The following EFCAB14 variants were observed in gnomAD, a reference collection of about 807,000 sequenced individuals.
The protein encoded by EFCAB14 is EF-hand calcium-binding domain-containing protein 14.
Under a neutral mutation model 56.5 loss-of-function variants are expected in EFCAB14, and 43 were observed. The ratio of observed to expected loss-of-function variants is 0.76; its 90% confidence interval spans 0.60 to 0.98. The LOEUF is 0.98. Among genes scored for constraint, EFCAB14 ranks in the 50% least tolerant of loss-of-function variants. EFCAB14 has a pLI of 0.00. For synonymous variants in EFCAB14, 235 were observed against 212.9 expected (o/e 1.10, Z -0.90); for missense variants, 538 against 580.3 (o/e 0.93, Z 0.75).
chr1:46,689,178 A>G (rs1437164717), intron 6 of EFCAB14, among the ~76,000 whole-genome samples: 1 of 152,152 alleles, frequency 6.6e-6, no homozygotes, highest in African/African-American at 2.4e-5. Flanking sequence ...AGACTTTAGA[A>G]AATCCTGATT....
At position 46,684,513 on chromosome 1, in the gene EFCAB14, C is replaced by T. The variant is rs200025396; in HGVS notation, c.1164G>A (p.Arg388=). ...CACCTTCATCGGCGGTCTCTGGAGG[C>T]CTGTTGCTCTCAGGTTTGTTTGTAA... ...SALTNKPESN[R]PPETADEEQV... is the part of the protein sequence containing the mutation. The change falls in exon 9 of 11, where the codon AGG becomes AGA. Residue 388 remains arginine (R), a synonymous_variant. Transcript: ENST00000371933. 2 of 1,614,002 alleles carry T rather than the reference C, an allele frequency of 1.2e-6. No individual in the cohort carries two copies. The highest frequency in any genetic ancestry group is 1.1e-5 in the South Asian group (1 of 91,066).
At chr1:46,686,660 C>A (rs1676886751) in intron 8 of EFCAB14, 124 bp downstream of exon 8, 1 of 940,160 alleles carries the variant, frequency 1.1e-6, no homozygotes, top group South Asian at 1.5e-5. Context: ...TTACTAATTG[C>A]TTTGTTTTGA....
intron 2 of EFCAB14, among the ~76,000 whole-genome samples, chr1:46,708,939 T>C (rs1677270429): frequency 7.4e-6 from 1 of 134,392 alleles, no homozygotes; most frequent in Non-Finnish European, 1.5e-5. Context: ...GAATAAAACC[T>C]ACATCCTTTT....
At chr1:46,702,772 T>C (rs1227085267) in intron 3 of EFCAB14, among the ~76,000 whole-genome samples, 1 of 152,182 alleles carries the variant, frequency 6.6e-6, no homozygotes, top group Non-Finnish European at 1.5e-5. Flanking sequence ...TAGAAGTATA[T>C]GCAAATAAGC....
chr1:46,704,499 G>T (rs557006899), intron 3 of EFCAB14, among the ~76,000 whole-genome samples: 54 of 114,896 alleles, frequency 4.7e-4, no homozygotes, highest in African/African-American at 1.4e-3. Context: ...AAAAAAAAAA[G>T]GTCAGAGAGC....
chr1:46,696,176 A>G, intron 4 of EFCAB14, among the ~76,000 whole-genome samples: 1 of 151,594 alleles, frequency 6.6e-6, no homozygotes, highest in East Asian at 1.9e-4. Context: ...ATCATGTACA[A>G]TTGGTCTGCT....
rs528559685 is a variant in EFCAB14 at position 46,689,488 on chromosome 1, G to A, written c.795+99C>T. ...GCTCCCAGGCAGGCAAATAAATACA[G>A]GATGCACCTGCTGAGACACCAAACA... is the stretch of plus-strand genomic sequence containing the variant. On this transcript the variant is annotated intron_variant, in intron 6 of 10. Coordinates refer to ENST00000371933, the MANE Select transcript of EFCAB14 (RefSeq NM_014774.3). 24 of 1,105,080 alleles carry A rather than the reference G, an allele frequency of 2.2e-5. No homozygotes were observed. In the Admixed American group the frequency reaches 3.6e-4, roughly 16 times the overall value. The allele number at this position is 1,105,080 out of a possible 1,614,324, so 68.5% of individuals were successfully genotyped here.
At chr1:46,689,553 G>C in intron 6 of EFCAB14, 34 bp downstream of exon 6, 2 of 1,601,372 alleles carry the variant, frequency 1.2e-6, no homozygotes, top group Non-Finnish European at 1.7e-6. Context: ...AGTGCACTGT[G>C]GTCACAGGGA....
At chr1:46,706,614 C>T (rs1291381057) in intron 3 of EFCAB14, among the ~76,000 whole-genome samples, 4 of 152,160 alleles carry the variant, frequency 2.6e-5, no homozygotes, top group African/African-American at 4.8e-5. Flanking sequence ...TTCAGTGCTT[C>T]AATGTGGTCT....
chr1:46,703,183 C>A lies in EFCAB14; in HGVS notation c.480+4723G>T, dbSNP rs1273653902. 2.6e-5 allele frequency among the ~76,000 whole-genome samples: 4 copies of A among 151,926 alleles called. No individual in the cohort carries two copies. The East Asian group carries it at 5.8e-4, about 22-fold the overall frequency. On this transcript the variant is annotated intron_variant, in intron 3 of 10. Transcript: ENST00000371933. ...GGAGTGCAATGGCACGATCTCAGCT[C>A]ACTGCAACCTCTGCCTCCCGGGTTC...
intron 1 of EFCAB14, among the ~76,000 whole-genome samples, chr1:46,717,175 C>T (rs1677409845): frequency 6.6e-6 from 1 of 152,236 alleles, no homozygotes; most frequent in South Asian, 2.1e-4. Flanking sequence ...CAAAACAAGA[C>T]ATTTTAAACC....
intron 4 of EFCAB14, among the ~76,000 whole-genome samples, chr1:46,696,183 T>A (rs1403022441): frequency 2.0e-5 from 3 of 152,044 alleles, no homozygotes; most frequent in Non-Finnish European, 2.9e-5. Context: ...ACAATTGGTC[T>A]GCTTTGATGA....
At chr1:46,712,873 T>C (rs1389379573) in intron 2 of EFCAB14, among the ~76,000 whole-genome samples, 2 of 151,520 alleles carry the variant, frequency 1.3e-5, no homozygotes, top group African/African-American at 2.4e-5. Flanking sequence ...ATTAGCTGCA[T>C]GTGGTGGCAT....
rs546171948 is a variant in EFCAB14, at chr1:46,676,114, T to G, written c.*2347A>C. The G allele has an allele frequency of 6.3e-4, 96 of 152,338 alleles. No individual in the cohort carries two copies. The highest frequency in any genetic ancestry group is 2.2e-3 in the Admixed American group (34 of 15,308). 9.4% of individuals were successfully genotyped at this position (152,338 alleles called of 1,614,324 possible). ...CTAAATAATAGGCTTATGGGATGCT[T>G]AAGCCAGTGAGTCTGCTCAACTCAG... On this transcript the variant is annotated 3_prime_UTR_variant, in exon 11 of 11. Coordinates refer to ENST00000371933, the MANE Select transcript of EFCAB14 (RefSeq NM_014774.3).
At chr1:46,716,490 G>T in intron 1 of EFCAB14, 47 bp from the exon 2 acceptor site, 1 of 1,600,098 alleles carries the variant, frequency 6.2e-7, no homozygotes, top group South Asian at 1.1e-5. Context: ...GTGATTATGG[G>T]TATAGCTTTA....
At chr1:46,679,599 GTT>G (rs60875639) in intron 10 of EFCAB14, among the ~76,000 whole-genome samples, 1 of 36,522 alleles carries the variant, frequency 2.7e-5, no homozygotes, top group African/African-American at 1.1e-4. Flanking sequence ...CACCACGCCT[GTT>G]TTTTTTTTTT....
rs1056477505 is a variant in EFCAB14, at chr1:46,678,248, G to T, written c.*213C>A. ...TTTAAAATGTAAGATCTTACTGGTTGTAGGAAATCATAGATTTCTGAACAT... is the reference window on the plus strand; with the variant it reads ...TTTAAAATGTAAGATCTTACTGGTTTTAGGAAATCATAGATTTCTGAACAT... On this transcript the variant is annotated 3_prime_UTR_variant, in exon 11 of 11. Transcript: ENST00000371933. 4.7e-6 allele frequency: 2 copies of T among 430,062 alleles called. No individual in the cohort carries two copies. The highest frequency in any genetic ancestry group is 8.1e-6 in the Non-Finnish European group (2 of 247,268). 26.6% of individuals were successfully genotyped at this position (430,062 alleles called of 1,614,324 possible).
intron 1 of EFCAB14, among the ~76,000 whole-genome samples, 183 bp downstream of exon 1, chr1:46,717,720 C>CT (rs1038034480): frequency 4.6e-5 from 7 of 152,206 alleles, no homozygotes; most frequent in Non-Finnish European, 7.3e-5. Context: ...AGACAGATCT[C>CT]TAACTTATTC....
intron 3 of EFCAB14, among the ~76,000 whole-genome samples, chr1:46,705,405 G>A (rs1419481008): frequency 1.3e-5 from 2 of 152,204 alleles, no homozygotes; most frequent in East Asian, 3.8e-4. Flanking sequence ...GCAGGTTCTT[G>A]AATAATATTT....
Sources: allele counts gnomAD v4.1 joint callset (sites outside exome capture counted in the v4.1 genomes callset), GRCh38; gene constraint gnomAD v4.1.1; transcripts MANE v1.5; gene names NCBI Gene and HGNC (gene_info 2026-07-23, HGNC 2026-07-21).